LEF1: variants seen among roughly 807,000 people sequenced by gnomAD.
The protein encoded by LEF1 is lymphoid enhancer binding factor 1.
Under a neutral mutation model 51.2 loss-of-function variants are expected in LEF1, and 14 were observed. That is an observed-to-expected ratio of 0.27 (90% CI 0.18 to 0.43). LEF1 has a LOEUF of 0.43. Ranked by LOEUF, LEF1 falls within the 20% of genes least tolerant of loss-of-function variation. LEF1 has a pLI of 1.00. For missense variants in LEF1, 386 were observed against 512.0 expected, an observed-to-expected ratio of 0.75 and a Z score of 2.37; for synonymous variants, 185 against 183.2, an observed-to-expected ratio of 1.01 and a Z score of -0.08.
intron 3 of LEF1, among the ~76,000 whole-genome samples, chr4:108,092,917 TAAAAA>T (rs71592104): frequency 4.2e-4 from 13 of 31,142 alleles, no homozygotes; most frequent in African/African-American, 5.9e-4. Context: ...AATGAATATG[TAAAAA>T]AAAAAAAAAA....
intron 11 of LEF1, among the ~76,000 whole-genome samples, chr4:108,053,164 C>A (rs768343825): frequency 6.6e-6 from 1 of 152,122 alleles, no homozygotes; most frequent in Non-Finnish European, 1.5e-5. Context: ...GTGCAGCCAC[C>A]CCCAGGATAT....
intron 9 of LEF1, among the ~76,000 whole-genome samples, chr4:108,066,759 T>C (rs1738109964): frequency 6.6e-6 from 1 of 152,206 alleles, no homozygotes; most frequent in Non-Finnish European, 1.5e-5. Context: ...AAAAATTTTT[T>C]TTGTTAAAAT....
intron 8 of LEF1, among the ~76,000 whole-genome samples, chr4:108,077,025 C>A (rs1171744496): frequency 1.4e-3 from 137 of 97,434 alleles, no homozygotes; most frequent in Middle Eastern, 5.2e-3. Context: ...AGACTCATCT[C>A]AAAAAAAAAA....
In LEF1 at chr4:108,048,640, G is replaced by A. The variant is rs112343260; in HGVS notation, c.*118C>T. ...TTGATGTCAGTGTTCCTTTGGGGTCGACTGGGCAGGCCGTGGAGACAGTCT... is the reference window on the plus strand; with the variant it reads ...TTGATGTCAGTGTTCCTTTGGGGTCAACTGGGCAGGCCGTGGAGACAGTCT... On this transcript the variant is annotated 3_prime_UTR_variant, in exon 12 of 12. Transcript: ENST00000265165. The A allele has an allele frequency of 4.8e-5, 70 of 1,462,718 alleles. No individual in the cohort carries two copies. Among genetic ancestry groups the A allele is most frequent in the African/African-American group, 2.8e-4 (20 of 70,954 alleles). The allele number at this position is 1,462,718 out of a possible 1,614,324, so 90.6% of individuals were successfully genotyped here.
intron 3 of LEF1, among the ~76,000 whole-genome samples, chr4:108,134,733 G>A (rs780696494): frequency 2.0e-5 from 3 of 152,228 alleles, no homozygotes; most frequent in African/African-American, 4.8e-5. Context: ...AGGTAACATC[G>A]TTTTATACAT....
chr4:108,103,282 C>T (rs1740941746), intron 3 of LEF1, among the ~76,000 whole-genome samples: 1 of 152,208 alleles, frequency 6.6e-6, no homozygotes, highest in South Asian at 2.1e-4. Flanking sequence ...TGCTAATGAA[C>T]AGTACAATCA....
intron 4 of LEF1, among the ~76,000 whole-genome samples, chr4:108,084,010 C>G (rs1363697806): frequency 6.6e-6 from 1 of 152,214 alleles, no homozygotes; most frequent in East Asian, 1.9e-4. Flanking sequence ...CTAAGCTCTT[C>G]ATCAAGTTGA....
chr4:108,128,110 G>T (rs1742659527), intron 3 of LEF1, among the ~76,000 whole-genome samples: 1 of 152,140 alleles, frequency 6.6e-6, no homozygotes, highest in Non-Finnish European at 1.5e-5. Flanking sequence ...TAATAAATAT[G>T]TACCATTATG....
chr4:108,068,870 C>T (rs1211564474), intron 9 of LEF1, among the ~76,000 whole-genome samples: 1 of 152,202 alleles, frequency 6.6e-6, no homozygotes, highest in Non-Finnish European at 1.5e-5. Flanking sequence ...TTCACTCTTG[C>T]TCTTTTAAAA....
At position 108,167,549 on chromosome 4, in the gene LEF1, G is replaced by A. The variant is rs562131965; in HGVS notation, c.213+6C>T. On this transcript the variant is annotated splice_donor_region_variant and intron_variant, in intron 1 of 11. Coordinates refer to ENST00000265165, the MANE Select transcript of LEF1 (RefSeq NM_016269.5). The surrounding 1 kb of genome is among the most constrained non-coding windows in gnomAD (Gnocchi z 5.7). The stretch of plus-strand genomic sequence containing the variant: ...CCTCTCGGAACTGGGGCAGCGGCCC[G>A]CTCACCTCGTGTCCGTTGCTGGCCG... The A allele has an allele frequency of 5.6e-6, 9 of 1,613,640 alleles. No individual in the cohort carries two copies. The South Asian group carries it at 9.9e-5, about 18-fold the overall frequency.
At chr4:108,157,175 TATATACACACACACACACAC>T (rs1486600436) in intron 3 of LEF1, among the ~76,000 whole-genome samples, 1 of 57,468 alleles carries the variant, frequency 1.7e-5, no homozygotes, top group Non-Finnish European at 3.7e-5. Context: ...TCTCTATATA[TATATACACACACACACACAC>T]ACACACACAC....
At chr4:108,071,699 C>T (rs1738483827) in intron 8 of LEF1, 1 of 152,278 alleles carries the variant, frequency 6.6e-6, no homozygotes, top group African/African-American at 2.4e-5. Context: ...TTCCCAACTT[C>T]CCCAATGCCA....
At position 108,079,808 on chromosome 4, in the gene LEF1, G is replaced by A. The variant is rs191413109; in HGVS notation, c.723-194C>T. Among the ~76,000 whole-genome samples, 287 of 152,104 alleles carry A rather than the reference G, an allele frequency of 1.9e-3. 1 individual carries two copies. The highest frequency in any genetic ancestry group is 6.8e-3 in the Middle Eastern group (2 of 294). On this transcript the variant is annotated intron_variant, in intron 6 of 11. Coordinates refer to ENST00000265165, the MANE Select transcript of LEF1 (RefSeq NM_016269.5). ...TCTATATTCGGGTGGAAAAAAAAAA[G>A]TGAATCATTTTTCTTGCAAAGCAAT... is the stretch of plus-strand genomic sequence containing the variant.
chr4:108,118,934 AT>A (rs924316967), intron 3 of LEF1, among the ~76,000 whole-genome samples: 20 of 149,272 alleles, frequency 1.3e-4, no homozygotes, highest in East Asian at 3.9e-4. Context: ...CTTTCTAACT[AT>A]TTTTTTTTCA....
rs904480059 is a variant in LEF1, at chr4:108,167,425, C to T, written c.213+130G>A. On this transcript the variant is annotated intron_variant, in intron 1 of 11. Transcript: ENST00000265165. This position sits in a 1 kb window ranked among gnomAD's most constrained non-coding sequence, Gnocchi z 5.7. ...GACCGGGGGCCCAGCTACGCACACACCCCAAAACAAACGAGGGATCTACTC... is the reference window on the plus strand; with the variant it reads ...GACCGGGGGCCCAGCTACGCACACATCCCAAAACAAACGAGGGATCTACTC... 1.8e-5 allele frequency: 15 copies of T among 812,412 alleles called. No individual in the cohort carries two copies. Among genetic ancestry groups the T allele is most frequent in the Admixed American group, 6.7e-5 (3 of 45,072 alleles). 50.3% of individuals were successfully genotyped at this position (812,412 alleles called of 1,614,324 possible).
chr4:108,065,293 T>G (rs1737991593), intron 9 of LEF1, among the ~76,000 whole-genome samples: 1 of 152,190 alleles, frequency 6.6e-6, no homozygotes, highest in African/African-American at 2.4e-5. Context: ...AAGACTAGCC[T>G]GACCAACATG....
In LEF1 at chr4:108,167,795, C is replaced by T. The variant is rs1745511553; in HGVS notation, c.-28G>A. 6.3e-7 allele frequency: 1 copy of T among 1,596,904 alleles called. No individual in the cohort carries two copies. The highest frequency in any genetic ancestry group is 1.7e-5 in the Admixed American group (1 of 59,636). On this transcript the variant is annotated 5_prime_UTR_variant, in exon 1 of 12. Transcript: ENST00000265165. The surrounding 1 kb of genome is among the most constrained non-coding windows in gnomAD (Gnocchi z 5.7). Reference sequence around the variant, plus strand: ...CGGCGGCTCTGTAATCTCCGCTCCGCTGTGGGAGCACCCGCGCAACAGCAG... The same window carrying T: ...CGGCGGCTCTGTAATCTCCGCTCCGTTGTGGGAGCACCCGCGCAACAGCAG...
intron 3 of LEF1, among the ~76,000 whole-genome samples, chr4:108,108,845 T>C (rs1741343536): frequency 6.6e-6 from 1 of 152,220 alleles, no homozygotes; most frequent in Admixed American, 6.5e-5. Flanking sequence ...TTCATACTCT[T>C]ACCCTCTTAA....
chr4:108,088,501 T>C (rs943113872), intron 4 of LEF1, among the ~76,000 whole-genome samples: 2 of 152,190 alleles, frequency 1.3e-5, no homozygotes, highest in Non-Finnish European at 2.9e-5. Flanking sequence ...CTCGTACCCG[T>C]ACACATCAGG....
Sources: allele counts gnomAD v4.1 joint callset (sites outside exome capture counted in the v4.1 genomes callset), GRCh38; gene constraint gnomAD v4.1.1; non-coding constraint Gnocchi (gnomAD v3.1); transcripts MANE v1.5; gene names NCBI Gene and HGNC (gene_info 2026-07-23, HGNC 2026-07-21).